The following TENM3 variants were observed in gnomAD, a reference collection of about 807,000 sequenced individuals.
TENM3 encodes teneurin-3.
TENM3 carries 63 observed loss-of-function variants against 255.1 expected under a neutral mutation model. The ratio of observed to expected loss-of-function variants is 0.25; its 90% CI spans 0.20 to 0.30. TENM3 has a LOEUF of 0.30. TENM3 is among the 10% of genes least tolerant of loss of function. TENM3 has a pLI of 1.00. For missense variants in TENM3, 2,929 were observed against 3,461.1 expected (o/e 0.85, Z 3.86); for synonymous variants, 1,306 against 1,322.3 (o/e 0.99, Z 0.27).
At chr4:182,087,661 A>C in the TENM3 span, among the ~76,000 whole-genome samples, 8 of 150,738 alleles carry the variant, frequency 5.3e-5, no homozygotes, top group Non-Finnish European at 1.2e-4. Context: ...ATGGATCGAC[A>C]TTAATACACA....
the TENM3 span, among the ~76,000 whole-genome samples, chr4:181,719,781 T>C: frequency 9.9e-5 from 15 of 152,198 alleles, no homozygotes; most frequent in Non-Finnish European, 1.9e-4. Context: ...TATCATAAAT[T>C]CAACTTACAC....
chr4:182,723,234 GA>G (rs1325457663), intron 13 of TENM3, among the ~76,000 whole-genome samples: 1 of 152,178 alleles, frequency 6.6e-6, no homozygotes, highest in Non-Finnish European at 1.5e-5. Flanking sequence ...AGAATGTGTG[GA>G]AACCTAGCAT....
At chr4:182,389,736 AGT>A (rs1460793054) in intron 3 of TENM3, among the ~76,000 whole-genome samples, 5 of 134,702 alleles carry the variant, frequency 3.7e-5, no homozygotes. Context: ...CCCAGGCTGG[AGT>A]GCAGTGGCGC....
At chr4:181,952,948 A>T in the TENM3 span, among the ~76,000 whole-genome samples, 1 of 152,214 alleles carries the variant, frequency 6.6e-6, no homozygotes, top group Non-Finnish European at 1.5e-5. Context: ...AGTTACATGC[A>T]TTCAACAGTC....
chr4:181,558,626 C>G, the TENM3 span, among the ~76,000 whole-genome samples: 1 of 152,144 alleles, frequency 6.6e-6, no homozygotes. Flanking sequence ...CCAGAGCATT[C>G]CTGGTTGCAA....
intron 24 of TENM3, among the ~76,000 whole-genome samples, chr4:182,788,287 G>C (rs1765837331): frequency 6.6e-6 from 1 of 152,190 alleles, no homozygotes; most frequent in Admixed American, 6.5e-5. Context: ...GAGACTATTG[G>C]TAAAGCAGAA....
chr4:181,687,886 C>G, the TENM3 span, among the ~76,000 whole-genome samples: 1 of 152,144 alleles, frequency 6.6e-6, no homozygotes, highest in Non-Finnish European at 1.5e-5. Context: ...ACATTTGTGG[C>G]AGCAGGGATG....
the TENM3 span, among the ~76,000 whole-genome samples, chr4:181,511,947 G>A: frequency 3.3e-5 from 5 of 152,132 alleles, no homozygotes; most frequent in African/African-American, 9.7e-5. Context: ...AAGAGTCTGT[G>A]TTAGGGTGCC....
chr4:182,512,274 G>A (rs761808273), intron 3 of TENM3, among the ~76,000 whole-genome samples: 42 of 152,124 alleles, frequency 2.8e-4, no homozygotes, highest in Non-Finnish European at 5.3e-4. Context: ...CTTCTCCATG[G>A]TCTCTTTTTA....
chr4:182,695,631 G>C (rs1757344525), intron 12 of TENM3, among the ~76,000 whole-genome samples: 1 of 152,050 alleles, frequency 6.6e-6, no homozygotes, highest in African/African-American at 2.4e-5. Context: ...GAAAGTACAG[G>C]GTCAGGGAGT....
intron 10 of TENM3, among the ~76,000 whole-genome samples, 181 bp from the exon 11 acceptor site, chr4:182,681,633 G>T (rs1326042735): frequency 6.6e-6 from 1 of 152,154 alleles, no homozygotes; most frequent in African/African-American, 2.4e-5. Context: ...CATTAGGCTG[G>T]ATCTTAATGC....
chr4:181,969,844 C>A, the TENM3 span, among the ~76,000 whole-genome samples: 1 of 152,274 alleles, frequency 6.6e-6, no homozygotes, highest in Admixed American at 6.5e-5. Flanking sequence ...TTGGATACCA[C>A]CTGACAAGAA....
At chr4:182,226,817 C>G (rs1756187534) in intron 1 of TENM3, among the ~76,000 whole-genome samples, 1 of 152,128 alleles carries the variant, frequency 6.6e-6, no homozygotes, top group African/African-American at 2.4e-5. Context: ...GTGACTTGCT[C>G]CAAGTCAGTG....
chr4:181,467,822 T>C, the TENM3 span, among the ~76,000 whole-genome samples: 22 of 152,280 alleles, frequency 1.4e-4, no homozygotes, highest in East Asian at 4.2e-3. Context: ...AAGTTAGTGA[T>C]TTTTATGACA....
chr4:181,641,806 AT>A, the TENM3 span, among the ~76,000 whole-genome samples: 3 of 7,074 alleles, frequency 4.2e-4, no homozygotes, highest in African/African-American at 9.1e-4. Context: ...CACACACACC[AT>A]ATATATATAT....
intron 3 of TENM3, among the ~76,000 whole-genome samples, chr4:182,407,200 T>C (rs1769641383): frequency 6.6e-6 from 1 of 152,164 alleles, no homozygotes; most frequent in Admixed American, 6.5e-5. Flanking sequence ...ACCCACCTCT[T>C]CACATAAAAT....
the TENM3 span, among the ~76,000 whole-genome samples, chr4:181,907,290 G>A: frequency 1.3e-5 from 2 of 152,204 alleles, no homozygotes; most frequent in African/African-American, 4.8e-5. Context: ...AAGTTGGAGT[G>A]TATGGGCAAA....
At chr4:181,690,809 A>C in the TENM3 span, among the ~76,000 whole-genome samples, 1 of 152,188 alleles carries the variant, frequency 6.6e-6, no homozygotes, top group Admixed American at 6.5e-5. Context: ...TAAATGATAA[A>C]ATTATTCAGC....
the TENM3 span, chr4:181,819,919 A>G: frequency 6.6e-6 from 1 of 152,068 alleles, no homozygotes. Context: ...CAAAATTTTT[A>G]TCAACAAAAA....
Sources: gnomAD v4.1 joint callset for allele counts (sites outside exome capture counted in the v4.1 genomes callset) on GRCh38, gnomAD v4.1.1 for gene constraint, MANE v1.5 for transcripts, NCBI Gene and HGNC (gene_info 2026-07-23, HGNC 2026-07-21) for gene names.